Variants in ANK1 observed in about 807,000 individuals in gnomAD.
The protein encoded by ANK1 is ankyrin 1.
A neutral mutation model predicts 210.4 loss-of-function variants in ANK1; 51 were observed. The observed-to-expected ratio is 0.24, with a 90% CI of 0.19 to 0.31. ANK1 has a LOEUF of 0.31. Ranked by LOEUF, ANK1 falls within the 10% of genes least tolerant of loss-of-function variation. ANK1 has a pLI of 1.00. For synonymous variants in ANK1, 967 were observed against 1,025.9 expected (o/e 0.94, Z 1.10); for missense variants, 2,051 against 2,504.4 (o/e 0.82, Z 3.86).
At chr8:41,776,015 A>AGCAGCT (rs1210537673) in intron 1 of ANK1, among the ~76,000 whole-genome samples, 2 of 152,232 alleles carry the variant, frequency 1.3e-5, no homozygotes, top group Non-Finnish European at 2.9e-5. Flanking sequence ...ATTTGACAGA[A>AGCAGCT]GCAGCTAAGG....
intron 1 of ANK1, among the ~76,000 whole-genome samples, chr8:41,833,582 G>A (rs544454692): frequency 1.3e-5 from 2 of 152,316 alleles, no homozygotes; most frequent in South Asian, 4.1e-4. Context: ...AAAGAAAGCC[G>A]AAGATGGGAA....
At chr8:41,670,315 T>C (rs1811866713) in intron 38 of ANK1, among the ~76,000 whole-genome samples, 1 of 151,868 alleles carries the variant, frequency 6.6e-6, no homozygotes, top group African/African-American at 2.4e-5. Context: ...TGGATGAAAT[T>C]CATCTGTCCC....
In ANK1 at chr8:41,694,917, T is replaced by C. The variant is rs1820397546; in HGVS notation, c.3116-114A>G. The C allele has an allele frequency of 6.6e-6, 8 of 1,213,700 alleles. No individual in the cohort carries two copies. The South Asian group carries it at 1.0e-4, about 15-fold the overall frequency. The allele number at this position is 1,213,700 out of a possible 1,614,324, so 75.2% of individuals were successfully genotyped here. A position where few individuals can be genotyped will look rare whatever the true frequency, so the allele number is the denominator to read the frequency against. ...ACCCAGTGCACACACCCTCCCCAGGTGCCGGGCGGCATAGTGGCCAGAAGA... is the reference window on the plus strand; with the variant it reads ...ACCCAGTGCACACACCCTCCCCAGGCGCCGGGCGGCATAGTGGCCAGAAGA... On this transcript the variant is annotated intron_variant, in intron 27 of 42. Coordinates refer to ENST00000289734, the MANE Select transcript of ANK1 (RefSeq NM_000037.4). This position sits in a 1 kb window ranked among gnomAD's most constrained non-coding sequence, Gnocchi z 5.7.
intron 1 of ANK1, among the ~76,000 whole-genome samples, chr8:41,848,227 T>TAAAA (rs1245549804): frequency 2.0e-5 from 3 of 151,404 alleles, no homozygotes; most frequent in Non-Finnish European, 4.4e-5. Flanking sequence ...AATAAATAAA[T>TAAAA]AAAACTGTGC....
rs572677389 is a variant in ANK1 at position 41,715,029 on chromosome 8, G to A, written c.1648C>T (p.Arg550Trp). The change falls in exon 15 of 43, where the codon CGG (arginine) becomes TGG (tryptophan). Residue 550 changes from arginine (R) to tryptophan (W), a missense_variant. Arg to Trp is a moderately radical substitution (Grantham distance 101, BLOSUM62 -3). Around this residue, in one of 6 missense-constraint regions of ANK1, gnomAD observed 1,413 missense variants for 1,707.4 expected, o/e 0.83. Transcript: ENST00000289734. Reference protein sequence around the residue: ...LHVAAKYGKVRVAELLLERDA... With the variant: ...LHVAAKYGKVWVAELLLERDA... ...CGCTCCAGCAGCAGCTCTGCCACCC[G>A]CACCTTCCCGTACTTGGCCGCCACG... The A allele has an allele frequency of 1.4e-5, 22 of 1,614,060 alleles. No individual in the cohort carries two copies. The highest frequency in any genetic ancestry group is 8.0e-5 in the African/African-American group (6 of 75,032).
At chr8:41,860,480 C>T (rs1224913336) in intron 1 of ANK1, among the ~76,000 whole-genome samples, 3 of 152,240 alleles carry the variant, frequency 2.0e-5, no homozygotes, top group East Asian at 1.9e-4. Flanking sequence ...TGTGAATGCA[C>T]TCATGAGAGA....
upstream of ANK1, among the ~76,000 whole-genome samples, chr8:41,800,334 A>G (rs912444248): frequency 1.3e-5 from 2 of 152,238 alleles, no homozygotes; most frequent in East Asian, 3.9e-4. Flanking sequence ...GTCATTGTGA[A>G]GAAACGGAGG....
chr8:41,802,288 C>A (rs1367768415), upstream of ANK1, among the ~76,000 whole-genome samples: 2 of 152,222 alleles, frequency 1.3e-5, no homozygotes, highest in Admixed American at 1.3e-4. Context: ...CCACGCCCGA[C>A]CTATAGTTTT....
At chr8:41,860,458 G>A (rs1489527664) in intron 1 of ANK1, among the ~76,000 whole-genome samples, 1 of 152,222 alleles carries the variant, frequency 6.6e-6, no homozygotes, top group African/African-American at 2.4e-5. Flanking sequence ...ACCAGGCCAA[G>A]TTATGAGCCC....
chr8:41,733,846 T>A lies in ANK1; in HGVS notation c.228+125A>T, dbSNP rs767372488. On this transcript the variant is annotated intron_variant, in intron 3 of 42. Transcript: ENST00000289734. ...TTCAGGGATTCAGAGAACTAAAAAG[T>A]GATTGGAAGGATAAGAGAAATTCAG... 1.2e-5 allele frequency: 10 copies of A among 819,226 alleles called. No individual in the cohort carries two copies. The Admixed American group carries it at 1.5e-4, about 13-fold the overall frequency. The allele number at this position is 819,226 out of a possible 1,614,324, so 50.7% of individuals were successfully genotyped here. A position where few individuals can be genotyped will look rare whatever the true frequency, so the allele number is the denominator to read the frequency against.
At chr8:41,809,034 G>A (rs149235706) in intron 1 of ANK1, among the ~76,000 whole-genome samples, 37 of 152,354 alleles carry the variant, frequency 2.4e-4, no homozygotes, top group Middle Eastern at 3.4e-3. Context: ...TGCCCTGCAA[G>A]TCTTGTTCTT....
At chr8:41,838,789 A>AATAATAATAATAATAATAATC (rs1808312094) in intron 1 of ANK1, among the ~76,000 whole-genome samples, 1 of 148,434 alleles carries the variant, frequency 6.7e-6, no homozygotes, top group African/African-American at 2.5e-5. Flanking sequence ...TAATAATAAT[A>AATAATAATAATAATAATAATC]ATAAAGGCCG....
intron 1 of ANK1, among the ~76,000 whole-genome samples, chr8:41,891,283 GTT>G (rs111612663): frequency 8.1e-5 from 12 of 147,366 alleles, no homozygotes; most frequent in African/African-American, 1.2e-4. Flanking sequence ...AGATGAGTTT[GTT>G]TTTTTTTTTT....
chr8:41,851,757 T>G (rs757768199), intron 1 of ANK1, among the ~76,000 whole-genome samples: 2 of 152,194 alleles, frequency 1.3e-5, no homozygotes, highest in Non-Finnish European at 2.9e-5. Context: ...CTCAGGAGGC[T>G]GAGGTGGGAG....
intron 1 of ANK1, among the ~76,000 whole-genome samples, chr8:41,885,675 C>T (rs544511543): frequency 6.6e-6 from 1 of 152,218 alleles, no homozygotes; most frequent in Non-Finnish European, 1.5e-5. Context: ...AACCTCAGAT[C>T]AGCAGGGAAA....
At chr8:41,744,159 G>C (rs1161979433) in intron 2 of ANK1, among the ~76,000 whole-genome samples, 1 of 152,156 alleles carries the variant, frequency 6.6e-6, no homozygotes, top group Non-Finnish European at 1.5e-5. Context: ...GGGAGTATCA[G>C]GTTGAAACGA....
chr8:41,682,694 A>G (rs1453505682), intron 37 of ANK1, among the ~76,000 whole-genome samples: 1 of 152,236 alleles, frequency 6.6e-6, no homozygotes, highest in Non-Finnish European at 1.5e-5. Context: ...ATGCTCACAG[A>G]TGCCCAGGTC....
intron 1 of ANK1, among the ~76,000 whole-genome samples, chr8:41,803,001 GAA>G (rs1179936911): frequency 0.045 from 3,246 of 72,692 alleles, 154 homozygotes; most frequent in South Asian, 0.068. Flanking sequence ...AAGAGAGAAA[GAA>G]AGAAAGAAAG....
At chr8:41,716,821 T>C (rs1827807956) in intron 13 of ANK1, 132 bp downstream of exon 13, 1 of 921,148 alleles carries the variant, frequency 1.1e-6, no homozygotes, top group Non-Finnish European at 1.8e-6. Context: ...GCGCTCAGAG[T>C]GACCTGATCA....
Sources: gnomAD v4.1 joint callset for allele counts (sites outside exome capture counted in the v4.1 genomes callset) on GRCh38, gnomAD v4.1.1 for gene constraint, gnomAD v4.1.1 regional missense constraint, Gnocchi (gnomAD v3.1) non-coding constraint, MANE v1.5 for transcripts, NCBI Gene and HGNC (gene_info 2026-07-23, HGNC 2026-07-21) for gene names.